The following WDFY3 variants were observed in gnomAD, a reference collection of about 807,000 sequenced individuals.
WDFY3 encodes WD repeat and FYVE domain containing 3.
Under a neutral mutation model 409.6 loss-of-function variants are expected in WDFY3, and 66 were observed. The observed-to-expected ratio is 0.16, with a 90% CI of 0.13 to 0.20. The LOEUF (loss-of-function observed/expected upper bound fraction) is 0.20. Ranked by LOEUF, WDFY3 falls within the 10% of genes least tolerant of loss-of-function variation. WDFY3 has a pLI of 1.00. For synonymous variants in WDFY3, 1,521 were observed against 1,537.1 expected (o/e 0.99, Z 0.25); for missense variants, 3,031 against 4,298.1 (o/e 0.71, Z 8.24).
At chr4:84,898,737 C>T (rs1481911988) in intron 2 of WDFY3, among the ~76,000 whole-genome samples, 1 of 152,172 alleles carries the variant, frequency 6.6e-6, no homozygotes, top group Non-Finnish European at 1.5e-5. Flanking sequence ...CAAATTCCAG[C>T]TTTTTGTGGC....
intron 36 of WDFY3, among the ~76,000 whole-genome samples, chr4:84,747,135 T>G (rs543762976): frequency 9.1e-4 from 138 of 152,278 alleles, no homozygotes; most frequent in African/African-American, 3.1e-3. Context: ...GTTTTCCTGG[T>G]GAAAACAGCA....
chr4:84,889,751 A>G (rs753168698), intron 3 of WDFY3, among the ~76,000 whole-genome samples: 17 of 152,326 alleles, frequency 1.1e-4, no homozygotes, highest in Admixed American at 2.0e-4. Flanking sequence ...ATAATGTTGT[A>G]AGAAAAGAGA....
chr4:84,914,427 GACAAAACAAA>G (rs1242168651), intron 2 of WDFY3, among the ~76,000 whole-genome samples: 3 of 151,422 alleles, frequency 2.0e-5, no homozygotes, highest in Non-Finnish European at 4.4e-5. Flanking sequence ...AACAAAACAA[GACAAAACAAA>G]ACAAAACAAA....
rs113953608 is a variant in WDFY3 at position 84,780,232 on chromosome 4, A to T, written c.4241T>A (p.Ile1414Asn). Residue 1414 changes from isoleucine (I) to asparagine (N), a missense_variant, in exon 26 of 68, where the codon ATC (isoleucine) becomes AAC (asparagine). Coordinates refer to ENST00000295888, the MANE Select transcript of WDFY3 (RefSeq NM_014991.6). ...TLQYVGGAAA[I>N]LGLVAMASDV... Reference sequence around the variant, plus strand: ...AGAGGCCATGGCCACCAGGCCCAGGATGGCTGCAGCTCCACCAACGTACTG... The same window carrying T: ...AGAGGCCATGGCCACCAGGCCCAGGTTGGCTGCAGCTCCACCAACGTACTG... 6.2e-7 allele frequency: 1 copy of T among 1,614,018 alleles called. No homozygotes were observed. Among genetic ancestry groups the T allele is most frequent in the Admixed American group, 1.7e-5 (1 of 59,994 alleles).
At chr4:84,727,771 A>G (rs184223347) in intron 44 of WDFY3, among the ~76,000 whole-genome samples, 3 of 152,298 alleles carry the variant, frequency 2.0e-5, no homozygotes, top group Admixed American at 2.0e-4. Context: ...TGTTTTCACA[A>G]ATGTTTGCTT....
chr4:84,925,509 G>A (rs754369394), intron 2 of WDFY3, among the ~76,000 whole-genome samples: 13 of 152,108 alleles, frequency 8.5e-5, no homozygotes, highest in Non-Finnish European at 1.6e-4. Flanking sequence ...GAGGAAGAGT[G>A]AAAGAGAAAC....
rs111343410 is a variant in WDFY3, at chr4:84,718,469, G to A, written c.7707C>T (p.Thr2569=). The stretch of plus-strand genomic sequence containing the variant: ...CTCTTATTTCCCTGGTTGCTGTCAT[G>A]GTAAATCCATCAATCACATAAAAAT... ...KEHFYVIDGF[T]MTATREIRDI... Residue 2569 remains threonine (T), a synonymous_variant, in exon 48 of 68, where the codon ACC becomes ACT. Coordinates refer to ENST00000295888, the MANE Select transcript of WDFY3 (RefSeq NM_014991.6). 1.2e-6 allele frequency: 2 copies of A among 1,613,902 alleles called. No homozygotes were observed. The highest frequency in any genetic ancestry group is 1.7e-5 in the Admixed American group (1 of 59,998).
chr4:84,865,618 C>T (rs1485468758), intron 3 of WDFY3, among the ~76,000 whole-genome samples: 1 of 152,190 alleles, frequency 6.6e-6, no homozygotes, highest in African/African-American at 2.4e-5. Flanking sequence ...CACTGACTGC[C>T]CCCCAACCCC....
intron 45 of WDFY3, among the ~76,000 whole-genome samples, chr4:84,725,912 AT>A (rs1313762110): frequency 1.3e-5 from 2 of 152,212 alleles, no homozygotes; most frequent in Non-Finnish European, 2.9e-5. Flanking sequence ...GAGCAAGGAA[AT>A]AAAGAGAGTT....
intron 56 of WDFY3, among the ~76,000 whole-genome samples, chr4:84,701,534 G>A (rs1376222043): frequency 1.3e-5 from 2 of 152,066 alleles, no homozygotes; most frequent in African/African-American, 4.8e-5. Flanking sequence ...TACAAGGAAT[G>A]AAAAAAATAT....
At chr4:84,810,446 A>C (rs1752310956) in intron 13 of WDFY3, 102 bp from the exon 14 acceptor site, 1 of 1,027,554 alleles carries the variant, frequency 9.7e-7, no homozygotes, top group Non-Finnish European at 1.4e-6. Context: ...TGTGAATCTG[A>C]CATGTTTTTA....
intron 37 of WDFY3, 146 bp downstream of exon 37, chr4:84,743,554 T>C (rs1738825071): frequency 4.6e-6 from 2 of 430,274 alleles, no homozygotes; most frequent in East Asian, 4.2e-5. Context: ...TGCAACAAGA[T>C]AGACAAATCT....
chr4:84,871,192 CAAACAT>C (rs1310906586), intron 3 of WDFY3, among the ~76,000 whole-genome samples: 1 of 152,002 alleles, frequency 6.6e-6, no homozygotes, highest in African/African-American at 2.4e-5. Flanking sequence ...TGCAGTGAAT[CAAACAT>C]AAAGAGAAAA....
At chr4:84,933,747 A>G (rs891745906) in intron 1 of WDFY3, among the ~76,000 whole-genome samples, 2 of 152,008 alleles carry the variant, frequency 1.3e-5, no homozygotes, top group Admixed American at 1.3e-4. Context: ...TTTAATTTTT[A>G]GCTCCCAGAA....
At chr4:84,743,849 A>G in intron 36 of WDFY3, 50 bp from the exon 37 acceptor site, 1 of 1,349,002 alleles carries the variant, frequency 7.4e-7, no homozygotes, top group South Asian at 1.5e-5. Flanking sequence ...AAACAAAAAT[A>G]TGAGCTCAAC....
At chr4:84,777,430 G>C (rs376955267) in intron 27 of WDFY3, among the ~76,000 whole-genome samples, 4 of 152,148 alleles carry the variant, frequency 2.6e-5, no homozygotes, top group African/African-American at 9.6e-5. Context: ...TAAGAAAGAT[G>C]TAAGAACCAG....
intron 44 of WDFY3, 28 bp downstream of exon 44, chr4:84,733,353 AT>A (rs1319661517): frequency 1.2e-6 from 2 of 1,605,768 alleles, no homozygotes; most frequent in South Asian, 1.1e-5. Flanking sequence ...TGAAAGAGCC[AT>A]TGTGATCATT....
chr4:84,748,651 A>G (rs138301968), intron 36 of WDFY3, among the ~76,000 whole-genome samples: 310 of 152,308 alleles, frequency 2.0e-3, no homozygotes, highest in Non-Finnish European at 3.3e-3. Context: ...CAGTCACACT[A>G]AAGCCAGTCT....
intron 2 of WDFY3, among the ~76,000 whole-genome samples, chr4:84,904,802 T>C (rs185502295): frequency 3.5e-4 from 54 of 152,346 alleles, no homozygotes; most frequent in African/African-American, 1.3e-3. Context: ...GATTGTTTAA[T>C]TGATTGCCAC....
Sources: gnomAD v4.1 joint callset for allele counts (sites outside exome capture counted in the v4.1 genomes callset) on GRCh38, gnomAD v4.1.1 for gene constraint, MANE v1.5 for transcripts, NCBI Gene and HGNC (gene_info 2026-07-23, HGNC 2026-07-21) for gene names.